INPP4B: variants seen among roughly 807,000 people sequenced by gnomAD.
INPP4B encodes inositol polyphosphate 4-phosphatase type II.
A neutral mutation model predicts 122.5 loss-of-function variants in INPP4B; 55 were observed. That is an observed-to-expected ratio of 0.45 (90% CI 0.36 to 0.56). The LOEUF (loss-of-function observed/expected upper bound fraction) is 0.56. INPP4B is among the 20% of genes least tolerant of loss of function. The pLI is 0.00. For missense variants in INPP4B, 1,000 were observed against 1,097.7 expected (o/e 0.91, Z 1.26); for synonymous variants, 403 against 388.7 (o/e 1.04, Z -0.43).
chr4:142,286,941 T>C (rs928200222), intron 9 of INPP4B: 25 of 152,352 alleles, frequency 1.6e-4, no homozygotes, highest in Admixed American at 8.5e-4. Flanking sequence ...ACTACTGAGC[T>C]ATGAGGACAC....
intron 2 of INPP4B, among the ~76,000 whole-genome samples, chr4:142,696,061 T>C (rs929164652): frequency 6.6e-6 from 1 of 151,798 alleles, no homozygotes; most frequent in Non-Finnish European, 1.5e-5. Flanking sequence ...AGCAAGAAAA[T>C]GTTGAGTATT....
chr4:142,308,135 A>G (rs1317818302), intron 8 of INPP4B, among the ~76,000 whole-genome samples: 3 of 152,210 alleles, frequency 2.0e-5, no homozygotes. Context: ...TCTGGAACAG[A>G]GGGCTGCACT....
chr4:142,398,392 AAAAAAAAAAATATATATATATATAT>A (rs1413220782), intron 7 of INPP4B, among the ~76,000 whole-genome samples: 2 of 28,074 alleles, frequency 7.1e-5, no homozygotes, highest in East Asian at 9.3e-4. Context: ...AAAAAAAAAA[AAAAAAAAAAATATATATATATATAT>A]ATATATATAT....
At chr4:142,590,956 A>T (rs1272858056) in intron 2 of INPP4B, among the ~76,000 whole-genome samples, 1 of 151,756 alleles carries the variant, frequency 6.6e-6, no homozygotes, top group Admixed American at 6.6e-5. Flanking sequence ...TCTGGATGTG[A>T]AAAGAAGTAT....
At chr4:142,791,135 AATAGAG>A (rs1273935784) in intron 1 of INPP4B, among the ~76,000 whole-genome samples, 4 of 152,158 alleles carry the variant, frequency 2.6e-5, no homozygotes, top group East Asian at 1.9e-4. Flanking sequence ...ATAGAAAGGA[AATAGAG>A]ATAGAGAATA....
At chr4:142,613,629 T>C (rs1312103663) in intron 2 of INPP4B, among the ~76,000 whole-genome samples, 3 of 152,248 alleles carry the variant, frequency 2.0e-5, no homozygotes, top group African/African-American at 7.2e-5. Flanking sequence ...AATCTCATGT[T>C]CTGTGAATAT....
intron 2 of INPP4B, among the ~76,000 whole-genome samples, chr4:142,529,830 ATGTT>A (rs1164833097): frequency 1.3e-5 from 2 of 152,248 alleles, no homozygotes; most frequent in Middle Eastern, 3.4e-3. Context: ...GGGTGAGAGA[ATGTT>A]TGTTTAGGAA....
chr4:142,158,636 T>G (rs1240850573), intron 17 of INPP4B, among the ~76,000 whole-genome samples: 1 of 152,138 alleles, frequency 6.6e-6, no homozygotes, highest in Non-Finnish European at 1.5e-5. Context: ...TGTAACTATT[T>G]GTTTACATAT....
chr4:142,456,717 T>G (rs1815509052), intron 3 of INPP4B, among the ~76,000 whole-genome samples: 1 of 152,142 alleles, frequency 6.6e-6, no homozygotes, highest in African/African-American at 2.4e-5. Context: ...ATAGAGATAC[T>G]GCGCTCATGG....
intron 2 of INPP4B, among the ~76,000 whole-genome samples, chr4:142,612,671 C>A (rs1742815603): frequency 6.6e-6 from 1 of 152,128 alleles, no homozygotes; most frequent in Non-Finnish European, 1.5e-5. Context: ...TATAGCCTCA[C>A]ATGGAGGAAA....
At chr4:142,616,450 C>T (rs953031601) in intron 2 of INPP4B, among the ~76,000 whole-genome samples, 7 of 152,098 alleles carry the variant, frequency 4.6e-5, no homozygotes, top group African/African-American at 1.7e-4. Context: ...TGAGACCTCT[C>T]AATTTTTAAG....
At position 142,427,469 on chromosome 4, in the gene INPP4B, G is replaced by A. The variant is rs547347291; in HGVS notation, c.136+1704C>T. On this transcript the variant is annotated intron_variant, in intron 5 of 25. Transcript: ENST00000262992. ...TGCAGCTGCTAATCTCTTAATTCTT[G>A]ATTCAAATCTGGAAATATAAGTGAT... 54 of 681,626 alleles carry A rather than the reference G, an allele frequency of 7.9e-5. 1 individual carries two copies. The highest frequency in any genetic ancestry group is 9.9e-5 in the Non-Finnish European group (37 of 372,824). The allele number at this position is 681,626 out of a possible 1,614,324, so 42.2% of individuals were successfully genotyped here.
intron 18 of INPP4B, among the ~76,000 whole-genome samples, chr4:142,144,633 T>C (rs1474624679): frequency 6.6e-6 from 1 of 152,092 alleles, no homozygotes; most frequent in African/African-American, 2.4e-5. Flanking sequence ...AATCCCTACA[T>C]ACAGTTAGAT....
rs572564271 is a variant in INPP4B, at chr4:142,658,514, C to T, written c.-191+67325G>A. ...TTTAAGAATTAAGCAAGGTATAATCCTGTGATCAAGATATGGAGCATGTTT... is the reference window on the plus strand; with the variant it reads ...TTTAAGAATTAAGCAAGGTATAATCTTGTGATCAAGATATGGAGCATGTTT... On this transcript the variant is annotated intron_variant, in intron 2 of 25. Transcript: ENST00000262992. 2.0e-5 allele frequency among the ~76,000 whole-genome samples: 3 copies of T among 152,298 alleles called. No individual in the cohort carries two copies. The East Asian group carries it at 5.8e-4, about 29-fold the overall frequency.
intron 1 of INPP4B, among the ~76,000 whole-genome samples, chr4:142,784,660 C>T (rs1340065888): frequency 6.6e-6 from 1 of 151,992 alleles, no homozygotes. Context: ...AAGAAGACCC[C>T]ACAAGTTGGT....
At chr4:142,771,904 C>A (rs145466736) in intron 1 of INPP4B, among the ~76,000 whole-genome samples, 242 of 152,138 alleles carry the variant, frequency 1.6e-3, no homozygotes, top group Admixed American at 4.8e-3. Flanking sequence ...CAATAACTTC[C>A]CATTTTCTAT....
intron 5 of INPP4B, among the ~76,000 whole-genome samples, chr4:142,421,631 A>G (rs1013347466): frequency 1.3e-5 from 2 of 152,160 alleles, no homozygotes; most frequent in Admixed American, 6.6e-5. Flanking sequence ...GAGAAATGTA[A>G]ATGAGCATTA....
chr4:142,193,338 A>C, intron 14 of INPP4B, 143 bp from the exon 15 acceptor site: 32 of 568,618 alleles, frequency 5.6e-5, no homozygotes, highest in East Asian at 2.0e-4. Context: ...CTCACATCTC[A>C]AGGGGGAAAG....
At chr4:142,736,928 T>A (rs1050685629) in intron 1 of INPP4B, among the ~76,000 whole-genome samples, 10 of 152,206 alleles carry the variant, frequency 6.6e-5, no homozygotes, top group African/African-American at 2.4e-4. Flanking sequence ...TGATATTGGC[T>A]GTGGGTTTGT....
Sources: allele counts gnomAD v4.1 joint callset (sites outside exome capture counted in the v4.1 genomes callset), GRCh38; gene constraint gnomAD v4.1.1; transcripts MANE v1.5; gene names NCBI Gene and HGNC (gene_info 2026-07-23, HGNC 2026-07-21).